Variants in GPR35 observed in about 807,000 individuals in gnomAD.
GPR35 encodes the protein G protein-coupled receptor 35.
For synonymous variants in GPR35, 207 were observed against 198.4 expected (o/e 1.04, Z -0.36); for missense variants, 372 against 422.5 (o/e 0.88, Z 1.05).
chr2:240,622,170 G>A (rs529934202), upstream of GPR35, among the ~76,000 whole-genome samples: 19 of 152,122 alleles, frequency 1.2e-4, no homozygotes, highest in African/African-American at 2.4e-4. Flanking sequence ...CTGAGCCACC[G>A]CGTCCGGCCA....
rs898195703 is a variant in GPR35, at chr2:240,631,214, T to A, written c.*332T>A. 8.7e-6 allele frequency: 3 copies of A among 344,944 alleles called. No homozygotes were observed. The highest frequency in any genetic ancestry group is 1.7e-5 in the Non-Finnish European group (3 of 179,156). 21.4% of individuals were successfully genotyped at this position (344,944 alleles called of 1,614,324 possible). Reference sequence around the variant, plus strand: ...GTGCAGCCTTGATGACACCTGCCGCTGCCCCTCGGGGCTGGAATAAAACTC... The same window carrying A: ...GTGCAGCCTTGATGACACCTGCCGCAGCCCCTCGGGGCTGGAATAAAACTC... On this transcript the variant is annotated 3_prime_UTR_variant, in exon 2 of 2. Coordinates refer to ENST00000407714, the MANE Select transcript of GPR35 (RefSeq NM_005301.5).
upstream of GPR35, among the ~76,000 whole-genome samples, chr2:240,620,645 T>G (rs2043283459): frequency 6.6e-6 from 1 of 152,020 alleles, no homozygotes; most frequent in Admixed American, 6.5e-5. Flanking sequence ...CCAAGGGCCC[T>G]GCACTTGGGC....
intron 2 of GPR35, among the ~76,000 whole-genome samples, chr2:240,613,080 C>A (rs2043201545): frequency 6.6e-6 from 1 of 152,204 alleles, no homozygotes. Context: ...CTTCAGTAAC[C>A]CCAGACAAGG....
At chr2:240,612,255 C>A (rs1406058398) in intron 2 of GPR35, among the ~76,000 whole-genome samples, 3 of 151,464 alleles carry the variant, frequency 2.0e-5, no homozygotes, top group Admixed American at 6.6e-5. Flanking sequence ...ACAGTGAAAC[C>A]CCGTCTCTAC....
rs2043459588 is a variant in GPR35 at position 240,632,368 on chromosome 2, CCCAGGAGGCTCCATGT to C, written c.*1488_*1503del. Among the ~76,000 whole-genome samples, 1 of 151,780 alleles carries C rather than the reference CCCAGGAGGCTCCATGT, an allele frequency of 6.6e-6. No homozygotes were observed. ...GTGTCCCTGTCCAGGAGGCTCCATG[CCCAGGAGGCTCCATGT>C]CAAGAAAGATTCATGCCTAGGAGGG... On this transcript the variant is annotated 3_prime_UTR_variant, in exon 2 of 2. Coordinates refer to ENST00000407714, the MANE Select transcript of GPR35 (RefSeq NM_005301.5).
At chr2:240,623,293 G>GAAACAGGTCATGAGGGCGC (rs796813375), upstream of GPR35, among the ~76,000 whole-genome samples, 16 of 128,140 alleles carry the variant, frequency 1.2e-4, no homozygotes, top group African/African-American at 3.5e-4. Context: ...TGAAGGGCTG[G>GAAACAGGTCATGAGGGCGC]AAACAGGTCA....
chr2:240,611,222 C>T (rs1384166361), intron 2 of GPR35, among the ~76,000 whole-genome samples: 2 of 152,114 alleles, frequency 1.3e-5, no homozygotes, highest in African/African-American at 4.8e-5. Context: ...CCCACCTCGG[C>T]CTCACAAAGT....
At chr2:240,607,732 G>A (rs568815091) in intron 2 of GPR35, among the ~76,000 whole-genome samples, 69 of 151,862 alleles carry the variant, frequency 4.5e-4, no homozygotes, top group African/African-American at 1.4e-3. Context: ...TGCTTCTTTT[G>A]TTCTTTTCTG....
At chr2:240,609,473 T>C (rs2043163678) in intron 2 of GPR35, among the ~76,000 whole-genome samples, 2 of 152,240 alleles carry the variant, frequency 1.3e-5, no homozygotes, top group African/African-American at 4.8e-5. Context: ...GATCCCTGAG[T>C]TATTTAAATG....
upstream of GPR35, among the ~76,000 whole-genome samples, chr2:240,620,841 A>G (rs2043285636): frequency 1.3e-5 from 2 of 152,086 alleles, no homozygotes; most frequent in Admixed American, 6.5e-5. Flanking sequence ...GTGGCCACAC[A>G]CTCAGTTCTC....
rs1215939017 is a variant in GPR35 at position 240,630,050 on chromosome 2, T to C, written c.98T>C (p.Leu33Pro). The C allele has an allele frequency of 6.2e-7, 1 of 1,612,594 alleles. No individual in the cohort carries two copies. The highest frequency in any genetic ancestry group is 1.3e-5 in the African/African-American group (1 of 75,062). ...FYAYLGVLLV[L>P]GLLLNSLALW... ...GCCTACTTGGGCGTCCTGCTGGTGC[T>C]AGGCCTGCTGCTCAACAGCCTGGCG... is the stretch of plus-strand genomic sequence containing the variant. Residue 33 changes from leucine to proline, a missense_variant, in exon 2 of 2, where the codon CTA becomes CCA. Coordinates refer to ENST00000407714, the MANE Select transcript of GPR35 (RefSeq NM_005301.5).
At chr2:240,629,482 AGGGGCCACCCTGGGCTTT>A (rs1207926980) in intron 1 of GPR35, 2 of 156,834 alleles carry the variant, frequency 1.3e-5, no homozygotes, top group Non-Finnish European at 2.8e-5. Flanking sequence ...GGAGGGGTGG[AGGGGCCACCCTGGGCTTT>A]GTCCGGGAGC....
chr2:240,631,241 C>G lies in GPR35; in HGVS notation c.*359C>G, dbSNP rs1559441465. The G allele has an allele frequency of 3.3e-6, 1 of 304,956 alleles. No individual in the cohort carries two copies. Among genetic ancestry groups the G allele is most frequent in the African/African-American group, 2.1e-5 (1 of 46,724 alleles). 18.9% of individuals were successfully genotyped at this position (304,956 alleles called of 1,614,324 possible). A position where few individuals can be genotyped will look rare whatever the true frequency, so the allele number is the denominator to read the frequency against. ...CCCCTCGGGGCTGGAATAAAACTCC[C>G]CACCCAGAGTCAGTCCTAGTGGGGC... On this transcript the variant is annotated 3_prime_UTR_variant, in exon 2 of 2. Transcript: ENST00000407714.
chr2:240,630,804 G>A lies in GPR35; in HGVS notation c.852G>A (p.Gln284=), dbSNP rs1245114770. Residue 284 remains glutamine, a synonymous_variant, in exon 2 of 2, where the codon CAG becomes CAA. Coordinates refer to ENST00000407714, the MANE Select transcript of GPR35 (RefSeq NM_005301.5). ...ACTACTACATGGCCAAGGAGTTCCAGGAGGCGTCTGCACTGGCCGTGGCTC... is the reference window on the plus strand; with the variant it reads ...ACTACTACATGGCCAAGGAGTTCCAAGAGGCGTCTGCACTGGCCGTGGCTC... ...ICYYYMAKEF[Q]EASALAVAPS... is the part of the protein sequence containing the mutation. 2 of 1,613,258 alleles carry A rather than the reference G, an allele frequency of 1.2e-6. No homozygotes were observed. The highest frequency in any genetic ancestry group is 1.3e-5 in the African/African-American group (1 of 74,938).
At chr2:240,612,828 C>T (rs1205226574) in intron 2 of GPR35, among the ~76,000 whole-genome samples, 2 of 152,190 alleles carry the variant, frequency 1.3e-5, no homozygotes, top group Non-Finnish European at 2.9e-5. Flanking sequence ...GGGTGAGAAC[C>T]GTGGCCATGG....
chr2:240,625,179 G>A (rs1424188466), upstream of GPR35: 7 of 763,316 alleles, frequency 9.2e-6, no homozygotes, highest in Non-Finnish European at 1.1e-5. Flanking sequence ...GGCTGGGGAG[G>A]AGGAAGGCTC....
At chr2:240,621,484 A>G (rs1029438947), upstream of GPR35, among the ~76,000 whole-genome samples, 112 of 152,146 alleles carry the variant, frequency 7.4e-4, no homozygotes, top group African/African-American at 2.6e-3. Flanking sequence ...TGAACTCCTG[A>G]CCTCGTGATC....
rs2043363622 is a variant in GPR35, at chr2:240,625,742, G to GGT, written c.-5+174_-5+175insGT. ...CAGAGCGAGGTGAGGCTGTGACAGG[G>GGT]TCTCAGAGCGGGGTGAGGCTGTGAT... On this transcript the variant is annotated intron_variant, in intron 1 of 1. Transcript: ENST00000407714. 3.0e-5 allele frequency among the ~76,000 whole-genome samples: 4 copies of GGT among 132,698 alleles called. No individual in the cohort carries two copies. The South Asian group carries it at 7.1e-4, about 23-fold the overall frequency. 87.1% of individuals were successfully genotyped at this position (132,698 alleles called of 152,430 possible).
rs142500252 is a variant in GPR35, at chr2:240,606,818, C to T, written c.-577+206C>T. 5.9e-5 allele frequency among the ~76,000 whole-genome samples: 9 copies of T among 152,306 alleles called. No individual in the cohort carries two copies. The East Asian group carries it at 1.7e-3, about 29-fold the overall frequency. The stretch of plus-strand genomic sequence containing the variant: ...TGAGGCTGGAGATGTAAGCAGGGGC[C>T]TTAAGTGTTGTTTAAGGAGCCTGAG... On this transcript the variant is annotated intron_variant, in intron 2 of 5. Transcript: ENST00000319838.
Sources: gnomAD v4.1 joint callset for allele counts (sites outside exome capture counted in the v4.1 genomes callset) on GRCh38, gnomAD v4.1.1 for gene constraint, MANE v1.5 for transcripts, NCBI Gene and HGNC (gene_info 2026-07-23, HGNC 2026-07-21) for gene names.